The following TTC17 variants were observed in gnomAD, a reference collection of about 807,000 sequenced individuals.
TTC17 encodes tetratricopeptide repeat protein 17.
A neutral mutation model predicts 143.8 loss-of-function variants in TTC17; 58 were observed. The observed-to-expected ratio is 0.40, with a 90% CI of 0.33 to 0.50. TTC17 has a LOEUF of 0.50. Among genes scored for constraint, TTC17 ranks in the 20% least tolerant of loss-of-function variants. The probability of loss-of-function intolerance (pLI) is 0.49; values close to 1 mark genes in which losing one functional copy is unlikely to be tolerated. For synonymous variants in TTC17, 501 were observed against 497.8 expected (o/e 1.01, Z -0.09); for missense variants, 1,273 against 1,392.5 (o/e 0.91, Z 1.37).
chr11:43,490,216 C>T (rs1948449645), intron 21 of TTC17, 23 bp from the exon 22 acceptor site: 1 of 1,596,126 alleles, frequency 6.3e-7, no homozygotes, highest in African/African-American at 1.3e-5. Context: ...AGGACACCAG[C>T]CTTGGCTAAC....
At chr11:43,469,191 G>C (rs543997332) in intron 21 of TTC17, among the ~76,000 whole-genome samples, 3 of 152,228 alleles carry the variant, frequency 2.0e-5, no homozygotes, top group Non-Finnish European at 4.4e-5. Flanking sequence ...CCTGTAGAAG[G>C]GCTAGACAGT....
chr11:43,372,148 CACT>C (rs1304851975), intron 1 of TTC17, among the ~76,000 whole-genome samples: 3 of 152,122 alleles, frequency 2.0e-5, no homozygotes, highest in Admixed American at 6.6e-5. Context: ...GGAACTCAGT[CACT>C]GTTGTTAGGA....
intron 1 of TTC17, 162 bp from the exon 2 acceptor site, chr11:43,379,071 A>G (rs1856866978): frequency 1.5e-6 from 1 of 663,606 alleles, no homozygotes; most frequent in African/African-American, 1.8e-5. Context: ...CCCTTTGCTA[A>G]CATTTACATG....
chr11:43,383,049 A>G (rs1857032572), intron 2 of TTC17, among the ~76,000 whole-genome samples: 1 of 151,840 alleles, frequency 6.6e-6, no homozygotes. Context: ...ACAGGCGTGC[A>G]CAATGCCCAG....
chr11:43,402,898 C>A (rs910500038), intron 10 of TTC17, among the ~76,000 whole-genome samples: 1 of 152,008 alleles, frequency 6.6e-6, no homozygotes, highest in African/African-American at 2.4e-5. Flanking sequence ...TATAGGAGGA[C>A]AAACCACAAA....
In TTC17 at chr11:43,407,423, T is replaced by G. The variant is rs1440202200; in HGVS notation, c.1910T>G (p.Phe637Cys). 1 of 1,614,074 alleles carries G rather than the reference T, an allele frequency of 6.2e-7. No individual in the cohort carries two copies. The highest frequency in any genetic ancestry group is 1.1e-5 in the South Asian group (1 of 91,080). The change falls in exon 15 of 24, where the codon TTT becomes TGT. Residue 637 changes from phenylalanine to cysteine, a missense_variant. Around this residue, in one of 3 missense-constraint regions of TTC17, gnomAD observed 878 missense variants for 899.8 expected, o/e 0.98. Transcript: ENST00000039989. ...TGGAGAGCAGTAGGAAATAGCACTTTTGCTATTGCCTGTCTTCAGAGGGCT... is the reference window on the plus strand; with the variant it reads ...TGGAGAGCAGTAGGAAATAGCACTTGTGCTATTGCCTGTCTTCAGAGGGCT... ...LYWRAVGNST[F>C]AIACLQRALN...
In TTC17 at chr11:43,426,079, G is replaced by A. The variant is rs567720420; in HGVS notation, c.2251+11303G>A. 5.9e-5 allele frequency among the ~76,000 whole-genome samples: 9 copies of A among 152,340 alleles called. No individual in the cohort carries two copies. In the East Asian group the frequency reaches 1.2e-3, roughly 20 times the overall value. On this transcript the variant is annotated intron_variant, in intron 16 of 23. Transcript: ENST00000039989. ...AGCTAGAGGTCCGTAGCAGCTGAGC[G>A]GATACTGCTGTCAAGCAAGTTTTCT... is the stretch of plus-strand genomic sequence containing the variant.
At chr11:43,393,238 G>T (rs1020190800) in intron 5 of TTC17, among the ~76,000 whole-genome samples, 3 of 152,212 alleles carry the variant, frequency 2.0e-5, no homozygotes, top group Non-Finnish European at 4.4e-5. Context: ...CTGCACTTCA[G>T]ATGCCAGTCG....
chr11:43,427,264 G>T (rs1020275675), intron 16 of TTC17, among the ~76,000 whole-genome samples: 2 of 152,156 alleles, frequency 1.3e-5, no homozygotes, highest in Non-Finnish European at 2.9e-5. Flanking sequence ...ACTAAGGGTT[G>T]TGGGTAGCTA....
At chr11:43,478,820 G>A (rs1419765303) in intron 21 of TTC17, among the ~76,000 whole-genome samples, 1 of 152,138 alleles carries the variant, frequency 6.6e-6, no homozygotes, top group African/African-American at 2.4e-5. Flanking sequence ...TAAAAATGTA[G>A]TCTCGCTATG....
At chr11:43,413,581 A>C (rs1276796931) in intron 15 of TTC17, among the ~76,000 whole-genome samples, 1 of 152,130 alleles carries the variant, frequency 6.6e-6, no homozygotes, top group Non-Finnish European at 1.5e-5. Flanking sequence ...TATTTTCAAC[A>C]AAAGACTAAT....
intron 9 of TTC17, 135 bp downstream of exon 9, chr11:43,400,183 T>G (rs1037159765): frequency 1.0e-5 from 10 of 1,002,224 alleles, no homozygotes; most frequent in African/African-American, 8.3e-5. Context: ...GAAAGCATGA[T>G]TCATCACTGT....
rs1443266086 is a variant in TTC17, at chr11:43,407,560, G to A, written c.2047G>A (p.Ala683Thr). 1 of 1,613,820 alleles carries A rather than the reference G, an allele frequency of 6.2e-7. No individual in the cohort carries two copies. The change falls in exon 15 of 24, where the codon GCC becomes ACC. Residue 683 changes from alanine to threonine, a missense_variant. By Grantham distance (58) the Ala-to-Thr change is moderately conservative. Transcript: ENST00000039989. ...DATKLLLQAL[A>T]INSSEPLTFL... ...CACTAAGCTGCTACTTCAAGCTTTG[G>A]CCATCAATAGCTCTGAGGTGAGGTT...
At chr11:43,464,441 A>C (rs1285885952) in intron 21 of TTC17, among the ~76,000 whole-genome samples, 4 of 152,192 alleles carry the variant, frequency 2.6e-5, no homozygotes, top group African/African-American at 9.7e-5. Context: ...ATTTCCTAAT[A>C]GACTCAAAAT....
chr11:43,466,709 G>T, intron 21 of TTC17: 1 of 360,836 alleles, frequency 2.8e-6, no homozygotes, highest in Non-Finnish European at 5.5e-6. Context: ...AAACAAATGA[G>T]TCCCAGTTTT....
chr11:43,409,668 G>A (rs1156619436), intron 15 of TTC17, among the ~76,000 whole-genome samples: 1 of 152,154 alleles, frequency 6.6e-6, no homozygotes, highest in East Asian at 1.9e-4. Context: ...ACAGAGCTTG[G>A]TGCTTGGTTT....
chr11:43,451,050 C>G (rs1947647683), intron 20 of TTC17, 132 bp from the exon 21 acceptor site: 1 of 730,722 alleles, frequency 1.4e-6, no homozygotes, highest in Non-Finnish European at 2.2e-6. Flanking sequence ...ATTACCTTAC[C>G]AATAGGACCA....
intron 16 of TTC17, among the ~76,000 whole-genome samples, chr11:43,426,078 C>T (rs1043507517): frequency 2.0e-5 from 3 of 152,212 alleles, no homozygotes; most frequent in African/African-American, 7.2e-5. Context: ...AGCAGCTGAG[C>T]GGATACTGCT....
In TTC17 at chr11:43,407,679, T is replaced by C. The variant is rs535795346; in HGVS notation, c.2064+102T>C. ...TAGGGAAAGCATAAAAAATGTCATG[T>C]TTTGTCTTTCACAGTAGCGTTTGCA... On this transcript the variant is annotated intron_variant, in intron 15 of 23. Transcript: ENST00000039989. 46 of 1,166,436 alleles carry C rather than the reference T, an allele frequency of 3.9e-5. No homozygotes were observed. The African/African-American group carries it at 6.3e-4, about 16-fold the overall frequency. 72.3% of individuals were successfully genotyped at this position (1,166,436 alleles called of 1,614,324 possible).
Sources: allele counts gnomAD v4.1 joint callset (sites outside exome capture counted in the v4.1 genomes callset), GRCh38; gene constraint gnomAD v4.1.1; regional missense constraint gnomAD v4.1.1; transcripts MANE v1.5; gene names NCBI Gene and HGNC (gene_info 2026-07-23, HGNC 2026-07-21).